The following DLGAP4 variants were observed in gnomAD, a reference collection of about 807,000 sequenced individuals.
DLGAP4 encodes the protein disks large-associated protein 4.
A neutral mutation model predicts 86.9 loss-of-function variants in DLGAP4; 18 were observed. The ratio of observed to expected loss-of-function variants is 0.21; its 90% CI spans 0.14 to 0.31. DLGAP4 has a LOEUF of 0.31. Among genes scored for constraint, DLGAP4 ranks in the 10% least tolerant of loss-of-function variants. The probability of loss-of-function intolerance (pLI) is 1.00; values close to 1 mark genes in which losing one functional copy is unlikely to be tolerated. For missense variants in DLGAP4, 1,085 were observed against 1,362.6 expected, an observed-to-expected ratio of 0.80 and a Z score of 3.21; for synonymous variants, 548 against 574.3, an observed-to-expected ratio of 0.95 and a Z score of 0.65.
At chr20:36,404,839 G>A (rs111526174) in intron 2 of DLGAP4, among the ~76,000 whole-genome samples, 1,858 of 152,348 alleles carry the variant, frequency 0.012, 33 homozygotes, top group African/African-American at 0.039. Flanking sequence ...GAGCCCACCA[G>A]TCCCATGGGG....
chr20:36,472,803 T>C (rs1482368148), intron 7 of DLGAP4, among the ~76,000 whole-genome samples: 1 of 152,172 alleles, frequency 6.6e-6, no homozygotes, highest in Admixed American at 6.5e-5. Context: ...GAGGGGACAC[T>C]CTGAGGGACC....
Position 36,308,413 on chromosome 20 carries a change from G to A in DLGAP4, c.-304+1901G>A, listed in dbSNP as rs1460272149. Among the ~76,000 whole-genome samples, 11 of 152,194 alleles carry A rather than the reference G, an allele frequency of 7.2e-5. No homozygotes were observed. The highest frequency in any genetic ancestry group is 4.4e-5 in the Non-Finnish European group (3 of 68,020). ...CTGAAGAGAAACTGTGAGCTGGACG[G>A]GACCTGATGGCTGGGTTATGTGGAA... On this transcript the variant is annotated intron_variant, in intron 1 of 12. Coordinates refer to ENST00000339266, the MANE Select transcript of DLGAP4 (RefSeq NM_001365621.2). The surrounding 1 kb of genome is among the most constrained non-coding windows in gnomAD (Gnocchi z 4.5).
intron 8 of DLGAP4, chr20:36,497,892 T>C (rs2035956988): frequency 6.5e-6 from 1 of 154,552 alleles, no homozygotes; most frequent in African/African-American, 2.4e-5. Flanking sequence ...CCAGATTGAG[T>C]GGACTCTCCC....
At chr20:36,354,623 C>T (rs928933896) in intron 1 of DLGAP4, among the ~76,000 whole-genome samples, 4 of 152,126 alleles carry the variant, frequency 2.6e-5, no homozygotes, top group African/African-American at 4.8e-5. Flanking sequence ...TCTCCACTAG[C>T]CTTTTTAAAA....
At chr20:36,315,784 G>A (rs907461334) in intron 1 of DLGAP4, among the ~76,000 whole-genome samples, 3 of 152,114 alleles carry the variant, frequency 2.0e-5, no homozygotes, top group African/African-American at 4.8e-5. Context: ...TCTCCTGGCC[G>A]ACCACTCCCC....
intron 1 of DLGAP4, among the ~76,000 whole-genome samples, chr20:36,339,719 G>A (rs1169655366): frequency 6.6e-6 from 1 of 152,222 alleles, no homozygotes; most frequent in African/African-American, 2.4e-5. Context: ...TGGAGCAGGG[G>A]AATGCGGGGC....
chr20:36,489,523 T>C (rs2035565000), intron 7 of DLGAP4, among the ~76,000 whole-genome samples: 1 of 152,234 alleles, frequency 6.6e-6, no homozygotes, highest in Admixed American at 6.5e-5. Flanking sequence ...AGGCCCTGAA[T>C]GCCCCCACTG....
At chr20:36,366,703 A>C (rs1300336950) in intron 1 of DLGAP4, among the ~76,000 whole-genome samples, 1 of 152,044 alleles carries the variant, frequency 6.6e-6, no homozygotes, top group Admixed American at 6.6e-5. Flanking sequence ...CCCTTTCCCA[A>C]CTTCTCCCAT....
chr20:36,391,327 A>T (rs894953637), intron 2 of DLGAP4, among the ~76,000 whole-genome samples: 1 of 152,146 alleles, frequency 6.6e-6, no homozygotes, highest in Non-Finnish European at 1.5e-5. Context: ...CCTCCTCTCT[A>T]ATTCTCCAGG....
At chr20:36,384,147 G>GT (rs1466139155) in intron 2 of DLGAP4, among the ~76,000 whole-genome samples, 1 of 152,134 alleles carries the variant, frequency 6.6e-6, no homozygotes. Context: ...GAGCTGTGCT[G>GT]TTTGGGGTGC....
rs529990098 is a variant in DLGAP4, at chr20:36,379,414, G to A, written c.-73+12139G>A. 3.3e-5 allele frequency among the ~76,000 whole-genome samples: 5 copies of A among 152,324 alleles called. No homozygotes were observed. The East Asian group carries it at 5.8e-4, about 18-fold the overall frequency. ...CACATGCTGTTGGAGCAGTTGGGGGGAATTCTGGACCAGGGAGAAGTGGAT... is the reference window on the plus strand; with the variant it reads ...CACATGCTGTTGGAGCAGTTGGGGGAAATTCTGGACCAGGGAGAAGTGGAT... On this transcript the variant is annotated intron_variant, in intron 2 of 12. Coordinates refer to ENST00000339266, the MANE Select transcript of DLGAP4 (RefSeq NM_001365621.2).
At chr20:36,348,584 C>A (rs112169941) in intron 1 of DLGAP4, among the ~76,000 whole-genome samples, 7,465 of 151,836 alleles carry the variant, frequency 0.049, 614 homozygotes, top group African/African-American at 0.17. Flanking sequence ...ATGGCCAGCT[C>A]ATTTTTGTAT....
chr20:36,370,292 G>A (rs529036367), intron 2 of DLGAP4, among the ~76,000 whole-genome samples: 13 of 151,480 alleles, frequency 8.6e-5, no homozygotes, highest in Non-Finnish European at 1.8e-4. Flanking sequence ...TTGAGCCCAG[G>A]AGTTCATGAT....
chr20:36,356,674 G>GT (rs2030340314), intron 1 of DLGAP4, among the ~76,000 whole-genome samples: 1 of 126,076 alleles, frequency 7.9e-6, no homozygotes, highest in Admixed American at 7.9e-5. Flanking sequence ...GCCTGTTTTT[G>GT]TAAAAAAAAA....
chr20:36,504,985 A>G (rs1382221871), intron 10 of DLGAP4, among the ~76,000 whole-genome samples: 1 of 147,744 alleles, frequency 6.8e-6, no homozygotes, highest in African/African-American at 2.5e-5. Flanking sequence ...TGATGCACAC[A>G]GGTTCTTTTT....
In DLGAP4 at chr20:36,432,687, C is replaced by T. The variant is rs2033161893; in HGVS notation, c.970C>T (p.His324Tyr). The T allele has an allele frequency of 1.2e-6, 2 of 1,613,358 alleles. No homozygotes were observed. The highest frequency in any genetic ancestry group is 1.3e-5 in the African/African-American group (1 of 74,924). ...GAGCCTGCTCAAGTCCAAATCCTGC[C>T]ACCAGGGTCTAGCCTACCATTACCT... ...DKSLLKSKSC[H>Y]QGLAYHYLQV... is the part of the protein sequence containing the mutation. The change falls in exon 3 of 13, where the codon CAC becomes TAC. Residue 324 changes from histidine to tyrosine, a missense_variant. Physicochemically the swap from His to Tyr is moderately conservative, Grantham distance 83 (BLOSUM62 2). Coordinates refer to ENST00000339266, the MANE Select transcript of DLGAP4 (RefSeq NM_001365621.2). This position sits in a 1 kb window ranked among gnomAD's most constrained non-coding sequence, Gnocchi z 6.5.
At chr20:36,387,447 G>A (rs545729166) in intron 2 of DLGAP4, among the ~76,000 whole-genome samples, 4 of 152,186 alleles carry the variant, frequency 2.6e-5, no homozygotes, top group African/African-American at 9.6e-5. Flanking sequence ...TCTCCAAGTT[G>A]TGTTGCTTGT....
chr20:36,513,370 A>G (rs558654423), intron 10 of DLGAP4, among the ~76,000 whole-genome samples: 1 of 150,520 alleles, frequency 6.6e-6, no homozygotes, highest in South Asian at 2.1e-4. Context: ...AACAAGGTGA[A>G]ACCCCGTCTC....
intron 8 of DLGAP4, chr20:36,498,866 T>TA: frequency 4.9e-6 from 1 of 204,842 alleles, no homozygotes; most frequent in Admixed American, 5.4e-5. Flanking sequence ...GCATCACTGT[T>TA]GTCCTGTTCC....
Sources: gnomAD v4.1 joint callset for allele counts (sites outside exome capture counted in the v4.1 genomes callset) on GRCh38, gnomAD v4.1.1 for gene constraint, Gnocchi (gnomAD v3.1) non-coding constraint, MANE v1.5 for transcripts, NCBI Gene and HGNC (gene_info 2026-07-23, HGNC 2026-07-21) for gene names.